NTNG1: variants seen among roughly 807,000 people sequenced by gnomAD.
The protein encoded by NTNG1 is netrin G1.
A neutral mutation model predicts 54.0 loss-of-function variants in NTNG1; 16 were observed. The observed-to-expected ratio is 0.30, with a 90% confidence interval of 0.20 to 0.45. NTNG1 has a LOEUF of 0.45. NTNG1 is among the 20% of genes least tolerant of loss of function. The pLI is 1.00. For missense variants in NTNG1, 530 were observed against 678.7 expected (o/e 0.78, Z 2.43); for synonymous variants, 255 against 263.1 (o/e 0.97, Z 0.30).
rs117069480 is a variant in NTNG1 at position 107,376,055 on chromosome 1, T to A, written c.888-19099T>A. ...AATTTGCCAACATTTATTGAGCACT[T>A]ATATTGTGTTAGGAACTCCTATAAG... On this transcript the variant is annotated intron_variant, in intron 3 of 7. Transcript: ENST00000370068. 6.3e-4 allele frequency among the ~76,000 whole-genome samples: 96 copies of A among 152,358 alleles called. 2 individuals carry two copies. The East Asian group carries it at 0.018, about 28-fold the overall frequency.
Position 107,424,341 on chromosome 1 carries a change from G to A in NTNG1, c.1088-6409G>A, listed in dbSNP as rs185305828. Among the ~76,000 whole-genome samples, 212 of 152,198 alleles carry A rather than the reference G, an allele frequency of 1.4e-3. 1 individual carries two copies. The highest frequency in any genetic ancestry group is 0.01 in the Middle Eastern group (3 of 294). On this transcript the variant is annotated intron_variant, in intron 5 of 7. Coordinates refer to ENST00000370068, the MANE Select transcript of NTNG1 (RefSeq NM_001113226.3). The stretch of plus-strand genomic sequence containing the variant: ...GGCACTGTGCCATGAATTAGGAGGT[G>A]AGTGCTAGCAATGAGCCCCCAGGGA...
intron 7 of NTNG1, among the ~76,000 whole-genome samples, chr1:107,478,439 GA>G (rs1236963645): frequency 1.3e-5 from 2 of 152,046 alleles, no homozygotes; most frequent in Non-Finnish European, 2.9e-5. Flanking sequence ...TTAAATGCAG[GA>G]AAAATATTGA....
intron 5 of NTNG1, chr1:107,409,929 C>T (rs556116796): frequency 2.6e-5 from 4 of 152,194 alleles, no homozygotes; most frequent in Non-Finnish European, 2.9e-5. Flanking sequence ...TGCGTGCACT[C>T]GTGGATTCCT....
intron 2 of NTNG1, among the ~76,000 whole-genome samples, chr1:107,311,566 A>G (rs536261442): frequency 3.3e-4 from 50 of 152,246 alleles, no homozygotes; most frequent in African/African-American, 1.1e-3. Context: ...CAAATTCCAT[A>G]TACAACTCAT....
chr1:107,141,770 G>C (rs1328214768), intron 1 of NTNG1, among the ~76,000 whole-genome samples: 1 of 152,158 alleles, frequency 6.6e-6, no homozygotes, highest in Non-Finnish European at 1.5e-5. Context: ...TCCATCCGCC[G>C]ACTGACAGGG....
intron 7 of NTNG1, among the ~76,000 whole-genome samples, chr1:107,476,615 C>G (rs1297042876): frequency 6.6e-6 from 1 of 152,166 alleles, no homozygotes; most frequent in Admixed American, 6.5e-5. Flanking sequence ...ATTCACATAA[C>G]CTGTCTCCAA....
At chr1:107,184,710 G>A (rs1210936648) in intron 2 of NTNG1, among the ~76,000 whole-genome samples, 7 of 152,140 alleles carry the variant, frequency 4.6e-5, no homozygotes, top group Admixed American at 2.6e-4. Context: ...ATTCATGAGT[G>A]CCTGTTGTTT....
At chr1:107,372,762 A>T (rs1213309565) in intron 3 of NTNG1, among the ~76,000 whole-genome samples, 1 of 151,290 alleles carries the variant, frequency 6.6e-6, no homozygotes, top group Non-Finnish European at 1.5e-5. Flanking sequence ...CCTCGCCATC[A>T]TTTTTTTTTA....
chr1:107,374,508 C>T (rs1187982008), intron 3 of NTNG1, among the ~76,000 whole-genome samples: 2 of 152,066 alleles, frequency 1.3e-5, no homozygotes, highest in Non-Finnish European at 2.9e-5. Flanking sequence ...CTTCTAATTT[C>T]ATTCAGTGTA....
intron 2 of NTNG1, among the ~76,000 whole-genome samples, chr1:107,302,954 C>G (rs935499181): frequency 6.6e-6 from 1 of 152,162 alleles, no homozygotes; most frequent in Non-Finnish European, 1.5e-5. Context: ...AAAGCTTAGG[C>G]TATTCGCCAC....
intron 3 of NTNG1, among the ~76,000 whole-genome samples, chr1:107,388,939 G>T (rs375703402): frequency 6.7e-6 from 1 of 150,144 alleles, no homozygotes; most frequent in East Asian, 2.0e-4. Context: ...GTGCTAACAC[G>T]TTCTCTAAAA....
chr1:107,305,754 A>T (rs554719208), intron 2 of NTNG1, among the ~76,000 whole-genome samples: 1 of 151,880 alleles, frequency 6.6e-6, no homozygotes, highest in East Asian at 1.9e-4. Flanking sequence ...ATTAGATCCC[A>T]TTTGTCTATT....
intron 2 of NTNG1, among the ~76,000 whole-genome samples, chr1:107,287,168 A>G (rs1395016350): frequency 2.0e-5 from 3 of 152,146 alleles, no homozygotes; most frequent in African/African-American, 7.2e-5. Flanking sequence ...GAGGCTACAG[A>G]CCAAAAAATT....
At chr1:107,166,791 C>T (rs1035072449) in intron 2 of NTNG1, among the ~76,000 whole-genome samples, 1 of 151,870 alleles carries the variant, frequency 6.6e-6, no homozygotes, top group Non-Finnish European at 1.5e-5. Flanking sequence ...TTGGATTGAC[C>T]CTGGCCTTTG....
At chr1:107,213,165 C>T (rs1430919769) in intron 2 of NTNG1, among the ~76,000 whole-genome samples, 1 of 151,914 alleles carries the variant, frequency 6.6e-6, no homozygotes, top group Non-Finnish European at 1.5e-5. Context: ...CTTGTAAACT[C>T]ATTGACTGTT....
intron 2 of NTNG1, among the ~76,000 whole-genome samples, chr1:107,243,162 T>G (rs932681359): frequency 1.2e-4 from 19 of 152,242 alleles, no homozygotes; most frequent in Admixed American, 2.6e-4. Flanking sequence ...TGTTTCTCCT[T>G]GTAGCTTTGC....
intron 3 of NTNG1, among the ~76,000 whole-genome samples, chr1:107,372,221 T>C (rs1365239013): frequency 6.6e-6 from 1 of 152,074 alleles, no homozygotes; most frequent in Non-Finnish European, 1.5e-5. Context: ...TAATTTGCTC[T>C]TCTTAATATG....
chr1:107,468,941 C>T (rs1677782767), intron 7 of NTNG1, among the ~76,000 whole-genome samples: 2 of 152,090 alleles, frequency 1.3e-5, no homozygotes, highest in South Asian at 4.2e-4. Context: ...ACTAAAACTA[C>T]AAAAATTAGC....
rs759388510 is a variant in NTNG1, at chr1:107,480,860, C to T, written c.*20C>T. ...TTCTAGGTGTCACCTCCAGCCACAC[C>T]GGACGGGCCTGTGCCGTGGGGAAGC... On this transcript the variant is annotated 3_prime_UTR_variant, in exon 8 of 8. Transcript: ENST00000370068. The T allele has an allele frequency of 1.8e-5, 28 of 1,534,928 alleles. No homozygotes were observed. The South Asian group carries it at 2.6e-4, about 14-fold the overall frequency.
Sources: gnomAD v4.1 joint callset for allele counts (sites outside exome capture counted in the v4.1 genomes callset) on GRCh38, gnomAD v4.1.1 for gene constraint, MANE v1.5 for transcripts, NCBI Gene and HGNC (gene_info 2026-07-23, HGNC 2026-07-21) for gene names.